The following GRM5 variants were observed in gnomAD, a reference collection of about 807,000 sequenced individuals.
GRM5 encodes the protein glutamate metabotropic receptor 5.
Under a neutral mutation model 83.1 loss-of-function variants are expected in GRM5, and 19 were observed. The ratio of observed to expected loss-of-function variants is 0.23; its 90% CI spans 0.16 to 0.34. GRM5 has a LOEUF of 0.34. GRM5 is among the 10% of genes least tolerant of loss of function. The pLI is 1.00. For missense variants in GRM5, 1,160 were observed against 1,588.3 expected, an observed-to-expected ratio of 0.73 and a Z score of 4.58; for synonymous variants, 675 against 633.6, an observed-to-expected ratio of 1.07 and a Z score of -0.98.
rs1941857458 is a variant in GRM5, at chr11:88,525,711, G to GAA, written c.2631-309_2631-308dup. On this transcript the variant is annotated intron_variant, in intron 8 of 9. Coordinates refer to ENST00000305447, the MANE Select transcript of GRM5 (RefSeq NM_001143831.3). Reference sequence around the variant, plus strand: ...AAGGTGTGCAATTTCTAGCATCTTAGAAAAAGATGAATATCAATCAACACA... The same window carrying GAA: ...AAGGTGTGCAATTTCTAGCATCTTAGAAAAAAAGATGAATATCAATCAACACA... Among the ~76,000 whole-genome samples the GAA allele has an allele frequency of 5.3e-5, 8 of 152,290 alleles. 1 individual carries two copies. In the South Asian group the frequency reaches 1.7e-3, roughly 32 times the overall value.
chr11:89,023,411 G>T (rs1487903726), intron 2 of GRM5, among the ~76,000 whole-genome samples: 32 of 152,114 alleles, frequency 2.1e-4, no homozygotes, highest in Admixed American at 2.1e-3. Flanking sequence ...ATTAAAAACT[G>T]CTGGGGTCCT....
Position 89,047,559 on chromosome 11 carries a change from G to A in GRM5, c.314C>T (p.Ala105Val). The A allele has an allele frequency of 1.2e-6, 2 of 1,614,082 alleles. No homozygotes were observed. The highest frequency in any genetic ancestry group is 2.2e-5 in the East Asian group (1 of 44,872). ...IRDSCWHSAVALEQSIEFIRD... is the reference protein window; with the variant it reads ...IRDSCWHSAVVLEQSIEFIRD... Reference sequence around the variant, plus strand: ...TATGAACTCAATGCTCTGCTCTAGGGCCACAGCCGAATGCCAGCAGGAGTC... The same window carrying A: ...TATGAACTCAATGCTCTGCTCTAGGACCACAGCCGAATGCCAGCAGGAGTC... The change falls in exon 2 of 10, where the codon GCC (alanine) becomes GTC (valine). Residue 105 changes from alanine to valine, a missense_variant. This residue lies in a region of GRM5 where 71 missense variants were observed against 145.8 expected (regional missense o/e 0.49). Transcript: ENST00000305447. This position sits in a 1 kb window ranked among gnomAD's most constrained non-coding sequence, Gnocchi z 5.1.
intron 8 of GRM5, among the ~76,000 whole-genome samples, chr11:88,539,963 A>G (rs984739846): frequency 2.0e-5 from 3 of 152,146 alleles, no homozygotes; most frequent in African/African-American, 4.8e-5. Context: ...TTCTCACTAC[A>G]CCGTAAAGTT....
At chr11:88,709,540 A>C (rs1403277146) in intron 3 of GRM5, among the ~76,000 whole-genome samples, 2 of 151,974 alleles carry the variant, frequency 1.3e-5, no homozygotes, top group African/African-American at 4.8e-5. Flanking sequence ...AATCCAACCC[A>C]CCTCTCTGAA....
chr11:88,831,026 C>A (rs185805137), intron 3 of GRM5, among the ~76,000 whole-genome samples: 1 of 152,124 alleles, frequency 6.6e-6, no homozygotes, highest in Non-Finnish European at 1.5e-5. Flanking sequence ...CCACCGAGGC[C>A]CTCCCACAAC....
intron 3 of GRM5, among the ~76,000 whole-genome samples, chr11:88,662,086 A>G (rs1939921536): frequency 6.6e-6 from 1 of 152,126 alleles, no homozygotes; most frequent in Non-Finnish European, 1.5e-5. Context: ...GGAACTTGAA[A>G]TTTGCCACCT....
At chr11:88,964,058 G>A (rs1164173709) in intron 2 of GRM5, among the ~76,000 whole-genome samples, 1 of 152,152 alleles carries the variant, frequency 6.6e-6, no homozygotes, top group Non-Finnish European at 1.5e-5. Context: ...CTCTTTATGT[G>A]CAATTTGTAA....
At chr11:88,684,540 GT>G (rs1448172347) in intron 3 of GRM5, among the ~76,000 whole-genome samples, 3 of 152,208 alleles carry the variant, frequency 2.0e-5, no homozygotes, top group Admixed American at 6.5e-5. Flanking sequence ...TGAGCTTAAG[GT>G]TTTTGGCTTG....
At chr11:88,510,212 T>TC (rs1176872340) in intron 9 of GRM5, among the ~76,000 whole-genome samples, 2 of 152,270 alleles carry the variant, frequency 1.3e-5, no homozygotes, top group Non-Finnish European at 2.9e-5. Flanking sequence ...TGTACTTGAA[T>TC]AACAGTTCAA....
At chr11:88,811,168 A>G (rs1943582786) in intron 3 of GRM5, among the ~76,000 whole-genome samples, 1 of 152,104 alleles carries the variant, frequency 6.6e-6, no homozygotes, top group Admixed American at 6.6e-5. Flanking sequence ...TAGAAGGACA[A>G]CAATTCAAGT....
chr11:88,677,151 G>A (rs1308131380), intron 3 of GRM5, among the ~76,000 whole-genome samples: 1 of 151,996 alleles, frequency 6.6e-6, no homozygotes, highest in Non-Finnish European at 1.5e-5. Context: ...ATTCATTTAT[G>A]TGACTAGAAG....
intron 2 of GRM5, among the ~76,000 whole-genome samples, chr11:88,920,659 A>T (rs1945675618): frequency 6.6e-6 from 1 of 152,224 alleles, no homozygotes; most frequent in Non-Finnish European, 1.5e-5. Context: ...ATCTCTGATA[A>T]ACATAGAGGC....
At chr11:88,730,258 C>A (rs182204719) in intron 3 of GRM5, among the ~76,000 whole-genome samples, 20 of 152,178 alleles carry the variant, frequency 1.3e-4, no homozygotes, top group Middle Eastern at 3.4e-3. Context: ...ATGCGGCCAA[C>A]AAACATATAA....
chr11:88,660,530 C>T (rs992337328), intron 3 of GRM5, among the ~76,000 whole-genome samples: 7 of 152,100 alleles, frequency 4.6e-5, no homozygotes, highest in African/African-American at 1.7e-4. Context: ...ACATTCTGTA[C>T]CCAAAGGAGC....
At chr11:88,583,074 C>A (rs562090482) in intron 7 of GRM5, among the ~76,000 whole-genome samples, 2 of 151,502 alleles carry the variant, frequency 1.3e-5, no homozygotes, top group African/African-American at 2.4e-5. Flanking sequence ...GAAAAGAAAT[C>A]TTCCCCATGT....
At chr11:88,660,549 T>C (rs1939879117) in intron 3 of GRM5, among the ~76,000 whole-genome samples, 2 of 152,152 alleles carry the variant, frequency 1.3e-5, no homozygotes, top group African/African-American at 4.8e-5. Flanking sequence ...GCAATACCAA[T>C]CTAAAAATGT....
chr11:88,713,829 C>T (rs1023605963), intron 3 of GRM5, among the ~76,000 whole-genome samples: 1 of 151,840 alleles, frequency 6.6e-6, no homozygotes, highest in Non-Finnish European at 1.5e-5. Flanking sequence ...AAAAAATATT[C>T]CAATTATCTC....
At chr11:88,752,356 C>T (rs538557773) in intron 3 of GRM5, among the ~76,000 whole-genome samples, 1 of 152,092 alleles carries the variant, frequency 6.6e-6, no homozygotes, top group East Asian at 1.9e-4. Context: ...TTCACAATTG[C>T]TACAAAAAGA....
chr11:88,845,605 T>C (rs999414940), intron 3 of GRM5, among the ~76,000 whole-genome samples: 3 of 151,940 alleles, frequency 2.0e-5, no homozygotes, highest in Non-Finnish European at 4.4e-5. Context: ...GGCTACTTTT[T>C]TGTATTTTTA....
Sources: allele counts gnomAD v4.1 joint callset (sites outside exome capture counted in the v4.1 genomes callset), GRCh38; gene constraint gnomAD v4.1.1; regional missense constraint gnomAD v4.1.1; non-coding constraint Gnocchi (gnomAD v3.1); transcripts MANE v1.5; gene names NCBI Gene and HGNC (gene_info 2026-07-23, HGNC 2026-07-21).